Variants in GALNT13 observed in about 807,000 individuals in gnomAD.
GALNT13 encodes the protein polypeptide N-acetylgalactosaminyltransferase 13.
Under a neutral mutation model 64.2 loss-of-function variants are expected in GALNT13, and 28 were observed. The observed-to-expected ratio is 0.44, with a 90% CI of 0.32 to 0.60. GALNT13 has a LOEUF of 0.60. Ranked by LOEUF, GALNT13 falls within the 20% of genes least tolerant of loss-of-function variation. The pLI is 0.05. For synonymous variants in GALNT13, 214 were observed against 224.6 expected (o/e 0.95, Z 0.42); for missense variants, 577 against 669.8 (o/e 0.86, Z 1.53).
At chr2:153,835,037 A>G in the GALNT13 span, among the ~76,000 whole-genome samples, 1 of 152,114 alleles carries the variant, frequency 6.6e-6, no homozygotes, top group Admixed American at 6.6e-5. Context: ...AAGAGGAGGT[A>G]ATTAAGTCTG....
intron 11 of GALNT13, 65 bp from the exon 12 acceptor site, chr2:154,438,527 A>C: frequency 2.5e-6 from 3 of 1,222,210 alleles, no homozygotes; most frequent in Non-Finnish European, 3.6e-6. Flanking sequence ...TTCCCTGGAT[A>C]GATCTGCTCT....
chr2:154,270,560 C>T (rs1385730779), intron 8 of GALNT13, among the ~76,000 whole-genome samples: 2 of 150,660 alleles, frequency 1.3e-5, no homozygotes, highest in East Asian at 1.9e-4. Flanking sequence ...ACAAAGCAAC[C>T]GAGAGGAAAG....
chr2:153,085,880 A>G, the GALNT13 span, among the ~76,000 whole-genome samples: 4 of 152,156 alleles, frequency 2.6e-5, no homozygotes, highest in Non-Finnish European at 5.9e-5. Flanking sequence ...AAAGCCACAG[A>G]TACTCAATGC....
intron 8 of GALNT13, among the ~76,000 whole-genome samples, chr2:154,268,902 T>C (rs1179044158): frequency 6.6e-6 from 1 of 152,128 alleles, no homozygotes; most frequent in Non-Finnish European, 1.5e-5. Flanking sequence ...ACCCTTAAAA[T>C]AAGCTCTTTT....
the GALNT13 span, among the ~76,000 whole-genome samples, chr2:153,428,854 G>A: frequency 6.6e-6 from 1 of 152,270 alleles, no homozygotes; most frequent in Middle Eastern, 3.4e-3. Flanking sequence ...ATCAAATGGA[G>A]TTTGTGGGTT....
chr2:153,531,708 A>G, the GALNT13 span, among the ~76,000 whole-genome samples: 8 of 152,306 alleles, frequency 5.3e-5, no homozygotes, highest in African/African-American at 1.7e-4. Flanking sequence ...AATAATAATA[A>G]TAATAACTAC....
intron 1 of GALNT13, among the ~76,000 whole-genome samples, chr2:153,891,943 C>CT (rs1246477126): frequency 6.6e-6 from 1 of 152,014 alleles, no homozygotes; most frequent in Non-Finnish European, 1.5e-5. Flanking sequence ...ATGATTGTTT[C>CT]TTTGCTCACG....
At chr2:153,547,739 G>A in the GALNT13 span, among the ~76,000 whole-genome samples, 1 of 152,090 alleles carries the variant, frequency 6.6e-6, no homozygotes, top group South Asian at 2.1e-4. Context: ...TAGATTATGA[G>A]GATGTTATTT....
chr2:153,978,558 G>A (rs1694231512), intron 3 of GALNT13, among the ~76,000 whole-genome samples: 1 of 152,116 alleles, frequency 6.6e-6, no homozygotes, highest in African/African-American at 2.4e-5. Context: ...TAAGCCTCAT[G>A]AGATCTGATG....
chr2:154,068,679 A>G (rs552081521), intron 3 of GALNT13, among the ~76,000 whole-genome samples: 118 of 152,010 alleles, frequency 7.8e-4, no homozygotes, highest in Non-Finnish European at 1.3e-3. Flanking sequence ...AATTACAACA[A>G]TCGAACTCAG....
the GALNT13 span, among the ~76,000 whole-genome samples, chr2:153,118,557 G>T: frequency 6.6e-6 from 1 of 152,138 alleles, no homozygotes; most frequent in Middle Eastern, 3.2e-3. Flanking sequence ...CTAGGCTGTG[G>T]ATACTAGAGG....
the GALNT13 span, among the ~76,000 whole-genome samples, chr2:153,163,870 T>C: frequency 6.6e-6 from 1 of 151,652 alleles, no homozygotes; most frequent in Non-Finnish European, 1.5e-5. Context: ...ATACAAAAAT[T>C]GGCCGGGCGT....
chr2:153,073,946 C>T, the GALNT13 span, among the ~76,000 whole-genome samples: 1 of 152,060 alleles, frequency 6.6e-6, no homozygotes, highest in Non-Finnish European at 1.5e-5. Flanking sequence ...TTACTGATTT[C>T]ATCTCATAGT....
chr2:154,407,159 T>C (rs1402092288), intron 10 of GALNT13, among the ~76,000 whole-genome samples: 1 of 152,116 alleles, frequency 6.6e-6, no homozygotes, highest in Non-Finnish European at 1.5e-5. Flanking sequence ...CCTGTAATTA[T>C]TAATTAGTGC....
chr2:153,640,353 G>A, the GALNT13 span, among the ~76,000 whole-genome samples: 1 of 152,142 alleles, frequency 6.6e-6, no homozygotes, highest in Admixed American at 6.6e-5. Context: ...AAGAGTGGTG[G>A]TCCATACTGT....
At chr2:153,250,243 G>A in the GALNT13 span, among the ~76,000 whole-genome samples, 7 of 152,092 alleles carry the variant, frequency 4.6e-5, no homozygotes, top group Non-Finnish European at 7.4e-5. Context: ...AGACACTTCC[G>A]AAAAGAAGAC....
chr2:154,287,116 C>T (rs2105951807), intron 8 of GALNT13: 1 of 1,195,980 alleles, frequency 8.4e-7, no homozygotes, highest in East Asian at 2.3e-5. Context: ...ATGGCATGTC[C>T]TTGACACATC....
the GALNT13 span, among the ~76,000 whole-genome samples, chr2:153,703,769 GAA>G: frequency 6.6e-6 from 1 of 152,160 alleles, no homozygotes; most frequent in Non-Finnish European, 1.5e-5. Context: ...ACATGTATTG[GAA>G]AAATAGCTCA....
the GALNT13 span, among the ~76,000 whole-genome samples, chr2:153,071,954 C>T: frequency 6.6e-6 from 1 of 152,180 alleles, no homozygotes; most frequent in East Asian, 1.9e-4. Flanking sequence ...CTAGTAGGTT[C>T]AATTCATTGC....
Sources: gnomAD v4.1 joint callset for allele counts (sites outside exome capture counted in the v4.1 genomes callset) on GRCh38, gnomAD v4.1.1 for gene constraint, MANE v1.5 for transcripts, NCBI Gene and HGNC (gene_info 2026-07-23, HGNC 2026-07-21) for gene names.